TMX3: variants seen among roughly 807,000 people sequenced by gnomAD.
TMX3 encodes the protein thioredoxin related transmembrane protein 3.
A neutral mutation model predicts 64.4 loss-of-function variants in TMX3; 40 were observed. The ratio of observed to expected loss-of-function variants is 0.62; its 90% CI spans 0.48 to 0.81. The LOEUF (loss-of-function observed/expected upper bound fraction) is 0.81, where lower values mean the gene tolerates loss of function less well. Among genes scored for constraint, TMX3 ranks in the 30% least tolerant of loss-of-function variants. The pLI is 0.00. For missense variants in TMX3, 497 were observed against 534.5 expected, an observed-to-expected ratio of 0.93 and a Z score of 0.69; for synonymous variants, 189 against 175.7, an observed-to-expected ratio of 1.08 and a Z score of -0.60.
intron 4 of TMX3, among the ~76,000 whole-genome samples, chr18:68,709,387 T>C (rs935703602): frequency 6.6e-6 from 1 of 152,166 alleles, no homozygotes; most frequent in African/African-American, 2.4e-5. Context: ...GCATACAGCC[T>C]CTGTCACAAC....
chr18:68,704,266 G>A (rs1003346354), intron 4 of TMX3, among the ~76,000 whole-genome samples: 4 of 152,122 alleles, frequency 2.6e-5, no homozygotes, highest in African/African-American at 9.7e-5. Context: ...AAATTAATGT[G>A]CAGAATATTT....
At chr18:68,710,442 A>G (rs1319042657) in intron 3 of TMX3, among the ~76,000 whole-genome samples, 1 of 152,204 alleles carries the variant, frequency 6.6e-6, no homozygotes, top group East Asian at 1.9e-4. Flanking sequence ...GAAATGTTCT[A>G]TATGAAACGT....
chr18:68,684,633 C>A, intron 10 of TMX3, 148 bp from the exon 11 acceptor site: 1 of 671,266 alleles, frequency 1.5e-6, no homozygotes, highest in East Asian at 2.7e-5. Flanking sequence ...TAAATCAACA[C>A]ATTACGGTAT....
intron 8 of TMX3, among the ~76,000 whole-genome samples, chr18:68,694,292 G>C (rs1914836706): frequency 6.6e-6 from 1 of 152,164 alleles, no homozygotes; most frequent in Admixed American, 6.5e-5. Context: ...CCTCTTCAGG[G>C]CTCTGCAGTT....
At chr18:68,707,887 T>C (rs1324315647) in intron 4 of TMX3, among the ~76,000 whole-genome samples, 1 of 152,120 alleles carries the variant, frequency 6.6e-6, no homozygotes, top group Non-Finnish European at 1.5e-5. Context: ...TGAATAAATA[T>C]GTGTATGCAC....
At chr18:68,713,195 C>G (rs551183852) in intron 2 of TMX3, among the ~76,000 whole-genome samples, 1 of 152,150 alleles carries the variant, frequency 6.6e-6, no homozygotes, top group Admixed American at 6.5e-5. Context: ...AAAGTGCCTC[C>G]GCTGACACCC....
chr18:68,696,999 G>A, intron 8 of TMX3: 1 of 352,426 alleles, frequency 2.8e-6, no homozygotes, highest in Non-Finnish European at 5.2e-6. Flanking sequence ...AAGCACTAAT[G>A]TAAATCCCTA....
At chr18:68,697,012 T>C in intron 8 of TMX3, 2 of 385,016 alleles carry the variant, frequency 5.2e-6, no homozygotes, top group South Asian at 7.4e-5. Context: ...AATCCCTAAA[T>C]GCTACGAATC....
At position 68,674,178 on chromosome 18, in the gene TMX3, A is replaced by G. The variant is rs1393677772; in HGVS notation, c.*2755T>C. Reference sequence around the variant, plus strand: ...ACTTGGCATTTAAATGTTATTTCTAAATCAGATACCAGGAAGCAACTATGT... The same window carrying G: ...ACTTGGCATTTAAATGTTATTTCTAGATCAGATACCAGGAAGCAACTATGT... On this transcript the variant is annotated 3_prime_UTR_variant, in exon 16 of 16. Coordinates refer to ENST00000299608, the MANE Select transcript of TMX3 (RefSeq NM_019022.5). 6.6e-6 allele frequency: 1 copy of G among 152,186 alleles called. No homozygotes were observed. The highest frequency in any genetic ancestry group is 1.5e-5 in the Non-Finnish European group (1 of 68,020). The allele number at this position is 152,186 out of a possible 1,614,324, so 9.4% of individuals were successfully genotyped here. A position where few individuals can be genotyped will look rare whatever the true frequency, so the allele number is the denominator to read the frequency against.
In TMX3 at chr18:68,715,026, T is replaced by A; in HGVS notation, c.-45A>T. 1 of 1,553,602 alleles carries A rather than the reference T, an allele frequency of 6.4e-7. No individual in the cohort carries two copies. Among genetic ancestry groups the A allele is most frequent in the Non-Finnish European group, 8.7e-7 (1 of 1,148,830 alleles). On this transcript the variant is annotated 5_prime_UTR_variant, in exon 1 of 16. Transcript: ENST00000299608. ...AGAAGCTGACTGTGCAAAAGAGGGA[T>A]AAAGACACTGGGGTCCGCCGCCTGC...
intron 4 of TMX3, 67 bp downstream of exon 4, chr18:68,709,954 G>T: frequency 6.9e-7 from 1 of 1,451,374 alleles, no homozygotes. Context: ...CTCCCACCCT[G>T]AATACTGTTG....
intron 4 of TMX3, among the ~76,000 whole-genome samples, chr18:68,709,420 A>G (rs1392450901): frequency 6.6e-6 from 1 of 152,158 alleles, no homozygotes; most frequent in African/African-American, 2.4e-5. Flanking sequence ...CCATGGAGGC[A>G]CAGAAACAGC....
rs534384809 is a variant in TMX3, at chr18:68,680,431, T to C, written c.1035+550A>G. Among the ~76,000 whole-genome samples the C allele has an allele frequency of 3.3e-5, 5 of 152,200 alleles. No individual in the cohort carries two copies. The East Asian group carries it at 7.7e-4, about 24-fold the overall frequency. On this transcript the variant is annotated intron_variant, in intron 14 of 15. Coordinates refer to ENST00000299608, the MANE Select transcript of TMX3 (RefSeq NM_019022.5). Reference sequence around the variant, plus strand: ...GCAGTTAAAATTTATAGGAAAAAAATAGAAAATTAAGACTATTCACTTATT... The same window carrying C: ...GCAGTTAAAATTTATAGGAAAAAAACAGAAAATTAAGACTATTCACTTATT...
chr18:68,701,903 CGTT>C (rs1333868721), intron 4 of TMX3, 113 bp from the exon 5 acceptor site: 5 of 758,224 alleles, frequency 6.6e-6, no homozygotes, highest in Non-Finnish European at 8.4e-6. Context: ...CATATAGATA[CGTT>C]GTTTTTAAGT....
chr18:68,711,144 AC>A (rs1347032482), intron 3 of TMX3, among the ~76,000 whole-genome samples: 3 of 151,966 alleles, frequency 2.0e-5, no homozygotes, highest in African/African-American at 7.2e-5. Flanking sequence ...TAATATTCTC[AC>A]CCCCAAAATT....
At chr18:68,711,253 G>A (rs1417637172) in intron 3 of TMX3, 111 bp downstream of exon 3, 5 of 608,346 alleles carry the variant, frequency 8.2e-6, no homozygotes, top group South Asian at 3.5e-5. Context: ...AACAAATTGA[G>A]TATATACATA....
At chr18:68,683,299 A>G (rs1032253332) in intron 12 of TMX3, among the ~76,000 whole-genome samples, 1 of 152,068 alleles carries the variant, frequency 6.6e-6, no homozygotes, top group African/African-American at 2.4e-5. Flanking sequence ...AAAAATTCCT[A>G]TTTTCTCTAA....
At position 68,714,951 on chromosome 18, in the gene TMX3, G is replaced by A. The variant is rs868293159; in HGVS notation, c.31C>T (p.Arg11Trp). ...CCCCCATTACCTGTGGCGCAGAGCC[G>A]CAGGGCCGTCCAACTCTTCCACGCT... MAAWKSWTAL[R>W]LCATVVVLDM... Residue 11 changes from arginine (R) to tryptophan (W), a missense_variant, in exon 1 of 16, where the codon CGG becomes TGG. This residue lies in a region of TMX3 where 360 missense variants were observed against 383.5 expected (regional missense o/e 0.94). Transcript: ENST00000299608. The A allele has an allele frequency of 8.3e-6, 13 of 1,571,032 alleles. No individual in the cohort carries two copies. Among genetic ancestry groups the A allele is most frequent in the Non-Finnish European group, 1.1e-5 (13 of 1,158,902 alleles).
chr18:68,709,467 C>T (rs530392646), intron 4 of TMX3, among the ~76,000 whole-genome samples: 27 of 152,228 alleles, frequency 1.8e-4, no homozygotes, highest in African/African-American at 6.5e-4. Context: ...TTCAATCTAA[C>T]TCTATTTATA....
Sources: gnomAD v4.1 joint callset for allele counts (sites outside exome capture counted in the v4.1 genomes callset) on GRCh38, gnomAD v4.1.1 for gene constraint, gnomAD v4.1.1 regional missense constraint, MANE v1.5 for transcripts, NCBI Gene and HGNC (gene_info 2026-07-23, HGNC 2026-07-21) for gene names.